SPATA31C1: variants seen among roughly 807,000 people sequenced by gnomAD.
The protein encoded by SPATA31C1 is spermatogenesis-associated protein 31C1.
chr9:87,922,408 C>A, exon 5 of SPATA31C1: 2 of 1,610,232 alleles, frequency 1.2e-6, no homozygotes, highest in Non-Finnish European at 1.7e-6. Context: ...GGTTTCAAGG[C>A]TCCAGGCGCC....
chr9:87,920,578 A>T, exon 5 of SPATA31C1: 2 of 1,613,312 alleles, frequency 1.2e-6, no homozygotes, highest in East Asian at 4.5e-5. Flanking sequence ...CACACCCCTG[A>T]TCCTCTGGCC....
At chr9:87,915,695 T>G (rs867995499) in intron 1 of SPATA31C1, among the ~76,000 whole-genome samples, 26 of 143,014 alleles carry the variant, frequency 1.8e-4, no homozygotes, top group African/African-American at 5.8e-4. Flanking sequence ...ACTATTGAAC[T>G]GATATTGCAC....
exon 5 of SPATA31C1, chr9:87,920,452 C>A: frequency 6.2e-7 from 1 of 1,613,978 alleles, no homozygotes; most frequent in East Asian, 2.2e-5. Context: ...TCCACCCCAC[C>A]ACCAGGCCCA....
rs1487008228 is a variant in SPATA31C1, at chr9:87,919,977, G to C, written n.641+1G>C. The C allele has an allele frequency of 6.2e-7, 1 of 1,607,998 alleles. No individual in the cohort carries two copies. Among genetic ancestry groups the C allele is most frequent in the African/African-American group, 1.3e-5 (1 of 74,784 alleles). Reference sequence around the variant, plus strand: ...GGGACCTGCTTTCACAACTGCAGAGGTGAGGCACTTCCCCTTCCCTGCATC... The same window carrying C: ...GGGACCTGCTTTCACAACTGCAGAGCTGAGGCACTTCCCCTTCCCTGCATC... On this transcript the variant is annotated splice_donor_variant and non_coding_transcript_variant, in intron 4 of 4. Coordinates refer to ENST00000420021, the Ensembl canonical transcript of SPATA31C1.
At chr9:87,922,006 A>T (rs541132461) in exon 5 of SPATA31C1, 85 of 1,613,792 alleles carry the variant, frequency 5.3e-5, no homozygotes, top group African/African-American at 1.9e-4. Context: ...GACACCTGCG[A>T]ATCTGGGGCT....
chr9:87,917,351 A>AGC (rs1828754297), intron 1 of SPATA31C1, among the ~76,000 whole-genome samples: 2 of 146,128 alleles, frequency 1.4e-5, no homozygotes, highest in South Asian at 4.5e-4. Context: ...CGGGAGGCGG[A>AGC]GCTTGCAGTG....
rs1828700138 is a variant in SPATA31C1, at chr9:87,915,650, T to C, written n.189+940T>C. Among the ~76,000 whole-genome samples, 4 of 144,466 alleles carry C rather than the reference T, an allele frequency of 2.8e-5. No homozygotes were observed. In the South Asian group the frequency reaches 9.3e-4, roughly 34 times the overall value. The allele number at this position is 144,466 out of a possible 152,430, so 94.8% of individuals were successfully genotyped here. A position where few individuals can be genotyped will look rare whatever the true frequency, so the allele number is the denominator to read the frequency against. ...ATGAGGTTAGATTGAGGTTATTGTT[T>C]TGTCTATGGTATCTAACTGCTCCAG... On this transcript the variant is annotated intron_variant and non_coding_transcript_variant, in intron 1 of 4. Transcript: ENST00000420021.
chr9:87,919,399 G>A (rs1363936612), intron 3 of SPATA31C1, 51 bp downstream of exon 2: 1 of 1,596,562 alleles, frequency 6.3e-7, no homozygotes, highest in Non-Finnish European at 8.5e-7. Flanking sequence ...ATCTGTCCGG[G>A]AGGGAACTGA....
chr9:87,922,587 G>A (rs745762899), exon 5 of SPATA31C1: 11 of 1,609,320 alleles, frequency 6.8e-6, no homozygotes, highest in Non-Finnish European at 9.3e-6. Flanking sequence ...AGCATCTGTT[G>A]TGCCCCATGC....
At chr9:87,919,292 G>GTCTCCCAGTA in exon 3 of SPATA31C1, 1 of 1,589,170 alleles carries the variant, frequency 6.3e-7, no homozygotes, top group East Asian at 2.7e-5. Context: ...GTCTCCCAGT[G>GTCTCCCAGTA]TCCAACAGGG....
chr9:87,917,002 G>C (rs376250343), intron 1 of SPATA31C1, among the ~76,000 whole-genome samples: 1 of 95,832 alleles, frequency 1.0e-5, no homozygotes, highest in Non-Finnish European at 2.1e-5. Context: ...ATCTCAAAAA[G>C]AAAGGAAAAC....
intron 1 of SPATA31C1, among the ~76,000 whole-genome samples, chr9:87,916,537 A>G (rs1308901987): frequency 6.0e-5 from 9 of 150,264 alleles, no homozygotes; most frequent in African/African-American, 2.2e-4. Flanking sequence ...AAAGTTTTCA[A>G]AAGTCAACAA....
At chr9:87,919,469 C>G (rs1344927657) in intron 3 of SPATA31C1, 121 bp downstream of exon 2, 3 of 1,427,320 alleles carry the variant, frequency 2.1e-6, no homozygotes, top group East Asian at 2.7e-5. Flanking sequence ...AAATCAGAAC[C>G]CTGGGTCCTT....
intron 2 of SPATA31C1, chr9:87,918,950 T>C: frequency 2.7e-6 from 1 of 370,470 alleles, no homozygotes; most frequent in South Asian, 2.1e-5. Context: ...TTTTCGTATT[T>C]TTAGTAGAGA....
chr9:87,921,887 G>C, exon 5 of SPATA31C1: 4 of 1,612,028 alleles, frequency 2.5e-6, no homozygotes, highest in East Asian at 2.2e-5. Context: ...TGAGGTTTTG[G>C]GCCAAACACA....
chr9:87,920,760 TCAAA>T lies in SPATA31C1; in HGVS notation n.1153_1156del, dbSNP rs746090839. On this transcript the variant is annotated non_coding_transcript_exon_variant, in exon 5 of 5. Coordinates refer to ENST00000420021, the Ensembl canonical transcript of SPATA31C1. ...CCCAGCCATCTCAGGCCTTGGCGGCTCAAACAGTCAAGTTTCTGCCCTCTCCTGG... is the reference window on the plus strand; with the variant it reads ...CCCAGCCATCTCAGGCCTTGGCGGCTCAGTCAAGTTTCTGCCCTCTCCTGG... 5.0e-6 allele frequency: 8 copies of T among 1,613,958 alleles called. No individual in the cohort carries two copies. In the Middle Eastern group the frequency reaches 5.0e-4, roughly 100 times the overall value.
chr9:87,915,394 C>A (rs1311539821), intron 1 of SPATA31C1, among the ~76,000 whole-genome samples: 1 of 144,340 alleles, frequency 6.9e-6, no homozygotes, highest in Non-Finnish European at 1.5e-5. Flanking sequence ...CCTTTGCTTC[C>A]AGAGTTCAAG....
Position 87,915,365 on chromosome 9 carries a change from C to A in SPATA31C1, n.189+655C>A, listed in dbSNP as rs549998797. The stretch of plus-strand genomic sequence containing the variant: ...TTGTGCAGGCTGCAGTGAAATGGAG[C>A]GATACCGGCTCAGTGCCACCTTTGC... On this transcript the variant is annotated intron_variant and non_coding_transcript_variant, in intron 1 of 4. Coordinates refer to ENST00000420021, the Ensembl canonical transcript of SPATA31C1. 2.8e-5 allele frequency among the ~76,000 whole-genome samples: 4 copies of A among 144,230 alleles called. 1 individual carries two copies. Among genetic ancestry groups the A allele is most frequent in the Admixed American group, 6.8e-5 (1 of 14,644 alleles). 94.6% of individuals were successfully genotyped at this position (144,230 alleles called of 152,430 possible). A position where few individuals can be genotyped will look rare whatever the true frequency, so the allele number is the denominator to read the frequency against.
chr9:87,920,631 C>A (rs560034208), exon 5 of SPATA31C1: 15 of 1,613,724 alleles, frequency 9.3e-6, no homozygotes, highest in Non-Finnish European at 1.3e-5. Context: ...TCCTCCCCTG[C>A]GGGACTCCAC....
Sources: gnomAD v4.1 joint callset for allele counts (sites outside exome capture counted in the v4.1 genomes callset) on GRCh38, gnomAD v4.1.1 for gene constraint, MANE v1.5 for transcripts, NCBI Gene and HGNC (gene_info 2026-07-23, HGNC 2026-07-21) for gene names.